SP4: variants seen among roughly 807,000 people sequenced by gnomAD.
The protein encoded by SP4 is transcription factor Sp4.
SP4 carries 19 observed loss-of-function variants against 72.8 expected under a neutral mutation model. That is an observed-to-expected ratio of 0.26 (90% CI 0.18 to 0.38). SP4 has a LOEUF of 0.38. Among genes scored for constraint, SP4 ranks in the 10% least tolerant of loss-of-function variants. The pLI is 1.00. For synonymous variants in SP4, 395 were observed against 333.1 expected, an observed-to-expected ratio of 1.19 and a Z score of -2.02; for missense variants, 1,008 against 926.3, an observed-to-expected ratio of 1.09 and a Z score of -1.14.
Position 21,511,367 on chromosome 7 carries a change from T to C in SP4, c.*98T>C, listed in dbSNP as rs948782805. The C allele has an allele frequency of 4.1e-6, 5 of 1,225,144 alleles. No homozygotes were observed. Among genetic ancestry groups the C allele is most frequent in the African/African-American group, 3.0e-5 (2 of 66,016 alleles). The allele number at this position is 1,225,144 out of a possible 1,614,324, so 75.9% of individuals were successfully genotyped here. On this transcript the variant is annotated 3_prime_UTR_variant, in exon 6 of 6. Transcript: ENST00000222584. Reference sequence around the variant, plus strand: ...TCAAGTGGATTACAGAGTAGGAAATTATGTTTTCATTCTTGGCTTCTTTAA... The same window carrying C: ...TCAAGTGGATTACAGAGTAGGAAATCATGTTTTCATTCTTGGCTTCTTTAA...
intron 5 of SP4, among the ~76,000 whole-genome samples, chr7:21,490,705 A>G (rs1312260988): frequency 6.6e-6 from 1 of 151,726 alleles, no homozygotes; most frequent in Non-Finnish European, 1.5e-5. Context: ...TCAACCTTGC[A>G]CTGGGCTCAA....
At chr7:21,465,948 C>G (rs992997478) in intron 3 of SP4, among the ~76,000 whole-genome samples, 4 of 152,110 alleles carry the variant, frequency 2.6e-5, no homozygotes, top group African/African-American at 7.2e-5. Context: ...GAACTTTAAT[C>G]TCCAGTGGTA....
chr7:21,492,013 G>A (rs558441300), intron 5 of SP4, among the ~76,000 whole-genome samples: 2 of 152,166 alleles, frequency 1.3e-5, no homozygotes, highest in Non-Finnish European at 2.9e-5. Context: ...AAATACCTGG[G>A]TAAATAGAGC....
At chr7:21,501,610 A>T (rs1781863462) in intron 5 of SP4, among the ~76,000 whole-genome samples, 1 of 152,208 alleles carries the variant, frequency 6.6e-6, no homozygotes, top group Non-Finnish European at 1.5e-5. Context: ...AGATGTAAGG[A>T]TTGAGGGCTA....
intron 3 of SP4, among the ~76,000 whole-genome samples, chr7:21,465,997 A>G (rs1418298395): frequency 6.6e-6 from 1 of 152,086 alleles, no homozygotes; most frequent in African/African-American, 2.4e-5. Context: ...TAGCCTTCCC[A>G]CTGCCTTCCC....
intron 3 of SP4, 75 bp downstream of exon 3, chr7:21,430,918 A>T (rs40245): frequency 0.68 from 782,375 of 1,144,758 alleles, 271,385 homozygotes; most frequent in East Asian, 0.93. Context: ...TCCTAATTCT[A>T]AGGTTTGACG....
chr7:21,506,500 G>T (rs55879742), intron 5 of SP4, among the ~76,000 whole-genome samples: 5,369 of 152,120 alleles, frequency 0.035, 339 homozygotes, highest in East Asian at 0.26. Flanking sequence ...TTCTTTCTTT[G>T]TGTTGAAATC....
chr7:21,506,011 A>G lies in SP4; in HGVS notation c.2108-5011A>G, dbSNP rs113202727. 3.9e-3 allele frequency among the ~76,000 whole-genome samples: 588 copies of G among 152,114 alleles called. 3 individuals are homozygous for G. The highest frequency in any genetic ancestry group is 0.013 in the African/African-American group (532 of 41,488). On this transcript the variant is annotated intron_variant, in intron 5 of 5. Transcript: ENST00000222584. ...CTCCTCCTCTGTCAGGAGGCCCATC[A>G]TTACTTTTATTTGTCCTTCCTCTAT...
rs1040575725 is a variant in SP4 at position 21,513,376 on chromosome 7, T to G, written c.*2107T>G. 2.0e-5 allele frequency: 3 copies of G among 152,622 alleles called. No individual in the cohort carries two copies. The highest frequency in any genetic ancestry group is 2.9e-5 in the Non-Finnish European group (2 of 68,022). The allele number at this position is 152,622 out of a possible 1,614,324, so 9.5% of individuals were successfully genotyped here. ...AGACTTGTAACAGAGTCTTTAAATT[T>G]AAGTTGGATTTTGTAAATTGTTTTG... On this transcript the variant is annotated 3_prime_UTR_variant, in exon 6 of 6. Coordinates refer to ENST00000222584, the MANE Select transcript of SP4 (RefSeq NM_003112.5).
intron 3 of SP4, among the ~76,000 whole-genome samples, chr7:21,454,341 T>C (rs1342837019): frequency 1.4e-5 from 2 of 138,696 alleles, no homozygotes; most frequent in African/African-American, 5.6e-5. Flanking sequence ...TCTTTATAAA[T>C]TCCCTTTTAC....
Position 21,492,285 on chromosome 7 carries a change from C to G in SP4, c.2107+10162C>G, listed in dbSNP as rs973437752. Among the ~76,000 whole-genome samples, 33 of 152,120 alleles carry G rather than the reference C, an allele frequency of 2.2e-4. 1 individual carries two copies. Among genetic ancestry groups the G allele is most frequent in the Admixed American group, 1.3e-4 (2 of 15,266 alleles). On this transcript the variant is annotated intron_variant, in intron 5 of 5. Transcript: ENST00000222584. ...GGTGGAGATACTCCCCTAAATGTCT[C>G]CTATATATAGGACTGATAATTATTA...
At chr7:21,482,329 G>C (rs971518792) in intron 5 of SP4, among the ~76,000 whole-genome samples, 1 of 152,136 alleles carries the variant, frequency 6.6e-6, no homozygotes, top group Non-Finnish European at 1.5e-5. Flanking sequence ...AACTTTATCA[G>C]CATATTTATG....
chr7:21,501,077 A>C (rs544373312), intron 5 of SP4, among the ~76,000 whole-genome samples: 2 of 152,280 alleles, frequency 1.3e-5, no homozygotes, highest in African/African-American at 4.8e-5. Context: ...CGAGTATTAC[A>C]GGGTTACAAT....
rs550134749 is a variant in SP4, at chr7:21,458,479, C to T, written c.1679-18600C>T. On this transcript the variant is annotated intron_variant, in intron 3 of 5. Transcript: ENST00000222584. ...GAGTACAGCCGTGAGCCACTGCGTC[C>T]GGCCAGTTTATGTCTATAAATGAGT... Among the ~76,000 whole-genome samples the T allele has an allele frequency of 1.1e-3, 164 of 152,212 alleles. 2 individuals carry two copies. The highest frequency in any genetic ancestry group is 1.2e-3 in the Admixed American group (19 of 15,290).
At chr7:21,431,201 G>T (rs1782842782) in intron 3 of SP4, among the ~76,000 whole-genome samples, 2 of 152,138 alleles carry the variant, frequency 1.3e-5, no homozygotes. Context: ...TCTCTTCTTT[G>T]AGGGAAAGTA....
chr7:21,477,975 C>A (rs1784559515), intron 4 of SP4, among the ~76,000 whole-genome samples: 2 of 152,104 alleles, frequency 1.3e-5, no homozygotes, highest in Non-Finnish European at 2.9e-5. Flanking sequence ...GACATGACTA[C>A]AATCAATTTT....
At chr7:21,496,554 C>G (rs1318174157) in intron 5 of SP4, among the ~76,000 whole-genome samples, 2 of 152,156 alleles carry the variant, frequency 1.3e-5, no homozygotes, top group African/African-American at 4.8e-5. Context: ...ACTCTTGCTG[C>G]TTTCTAGATT....
intron 3 of SP4, among the ~76,000 whole-genome samples, chr7:21,458,431 G>C (rs1783848050): frequency 6.6e-6 from 1 of 152,128 alleles, no homozygotes; most frequent in Non-Finnish European, 1.5e-5. Context: ...TGATCCACCT[G>C]CCTCGGCCTC....
At chr7:21,445,483 G>T (rs1421729350) in intron 3 of SP4, among the ~76,000 whole-genome samples, 2 of 152,242 alleles carry the variant, frequency 1.3e-5, no homozygotes, top group African/African-American at 4.8e-5. Context: ...ATTGTTTTCT[G>T]CTGGATAAAT....
Sources: gnomAD v4.1 joint callset for allele counts (sites outside exome capture counted in the v4.1 genomes callset) on GRCh38, gnomAD v4.1.1 for gene constraint, MANE v1.5 for transcripts, NCBI Gene and HGNC (gene_info 2026-07-23, HGNC 2026-07-21) for gene names.